Variants in EXT2 observed in about 807,000 individuals in gnomAD.
EXT2 encodes exostosin glycosyltransferase 2.
A neutral mutation model predicts 81.6 loss-of-function variants in EXT2; 53 were observed. The observed-to-expected ratio is 0.65, with a 90% CI of 0.52 to 0.82. EXT2 has a LOEUF of 0.82. EXT2 is among the 40% of genes least tolerant of loss of function. The probability of loss-of-function intolerance (pLI) is 0.00; values close to 1 mark genes in which losing one functional copy is unlikely to be tolerated. For missense variants in EXT2, 774 were observed against 910.2 expected, an observed-to-expected ratio of 0.85 and a Z score of 1.93; for synonymous variants, 320 against 340.0, an observed-to-expected ratio of 0.94 and a Z score of 0.65.
intron 8 of EXT2, among the ~76,000 whole-genome samples, chr11:44,190,466 C>G (rs958882687): frequency 6.6e-6 from 1 of 152,152 alleles, no homozygotes; most frequent in Non-Finnish European, 1.5e-5. Context: ...TCTTCTCTTC[C>G]TTTCTTCTCT....
At chr11:44,165,364 T>G (rs116555567) in intron 7 of EXT2, among the ~76,000 whole-genome samples, 1 of 152,220 alleles carries the variant, frequency 6.6e-6, no homozygotes, top group African/African-American at 2.4e-5. Flanking sequence ...CTATAAATTA[T>G]AATACCTTCT....
At chr11:44,173,233 G>A (rs1282536178) in intron 8 of EXT2, among the ~76,000 whole-genome samples, 1 of 152,178 alleles carries the variant, frequency 6.6e-6, no homozygotes, top group African/African-American at 2.4e-5. Context: ...GTCAGTATGT[G>A]CGTATGGTAA....
intron 13 of EXT2, among the ~76,000 whole-genome samples, chr11:44,238,237 T>C (rs1955993197): frequency 6.6e-6 from 1 of 152,206 alleles, no homozygotes; most frequent in Non-Finnish European, 1.5e-5. Context: ...CTCTGTTGTG[T>C]GGTGATACAA....
chr11:44,225,305 T>C (rs925108483), intron 10 of EXT2, among the ~76,000 whole-genome samples: 1 of 152,234 alleles, frequency 6.6e-6, no homozygotes, highest in African/African-American at 2.4e-5. Context: ...ATTACGAGGT[T>C]CCAGTAGGCC....
intron 6 of EXT2, among the ~76,000 whole-genome samples, chr11:44,129,242 C>A (rs1291536078): frequency 2.0e-5 from 3 of 152,200 alleles, no homozygotes; most frequent in Admixed American, 2.0e-4. Context: ...TAGAATGATC[C>A]TGTTGGAACA....
At chr11:44,157,716 C>A (rs1954874658) in intron 7 of EXT2, among the ~76,000 whole-genome samples, 1 of 152,126 alleles carries the variant, frequency 6.6e-6, no homozygotes, top group East Asian at 1.9e-4. Context: ...GGTACTCTAC[C>A]CTGCTATGGC....
At chr11:44,104,955 G>A (rs577912607) in intron 1 of EXT2, among the ~76,000 whole-genome samples, 7 of 152,310 alleles carry the variant, frequency 4.6e-5, no homozygotes, top group African/African-American at 1.2e-4. Flanking sequence ...AGCTCAAAAT[G>A]TATGAATTTT....
At chr11:44,136,175 G>T (rs943481302) in intron 7 of EXT2, among the ~76,000 whole-genome samples, 1 of 152,200 alleles carries the variant, frequency 6.6e-6, no homozygotes, top group Non-Finnish European at 1.5e-5. Flanking sequence ...TCCCTGTGCT[G>T]CTGGCCAGTC....
At chr11:44,167,078 AC>A (rs1955004836) in intron 7 of EXT2, among the ~76,000 whole-genome samples, 1 of 152,228 alleles carries the variant, frequency 6.6e-6, no homozygotes, top group Non-Finnish European at 1.5e-5. Context: ...ATCTTCTCTG[AC>A]GGTACTTGCC....
At chr11:44,200,060 G>T (rs1955504260) in intron 9 of EXT2, among the ~76,000 whole-genome samples, 1 of 151,334 alleles carries the variant, frequency 6.6e-6, no homozygotes, top group Non-Finnish European at 1.5e-5. Flanking sequence ...TGGGGTGTTT[G>T]TTCAGTTGGT....
At chr11:44,216,103 C>T (rs1339303963) in intron 10 of EXT2, among the ~76,000 whole-genome samples, 2 of 152,010 alleles carry the variant, frequency 1.3e-5, no homozygotes, top group African/African-American at 4.8e-5. Context: ...GTCTCGATCT[C>T]CTGACCTCAT....
At chr11:44,162,292 C>G (rs1181772710) in intron 7 of EXT2, among the ~76,000 whole-genome samples, 1 of 152,048 alleles carries the variant, frequency 6.6e-6, no homozygotes, top group Non-Finnish European at 1.5e-5. Flanking sequence ...AAAGCAATTA[C>G]CAGCTGGGCT....
Position 44,095,860 on chromosome 11 carries a change from C to A in EXT2, c.-31+8C>A, listed in dbSNP as rs529057271. The A allele has an allele frequency of 1.1e-5, 2 of 182,734 alleles. No individual in the cohort carries two copies. The highest frequency in any genetic ancestry group is 2.2e-5 in the Non-Finnish European group (2 of 89,618). The allele number at this position is 182,734 out of a possible 1,614,324, so 11.3% of individuals were successfully genotyped here. ...GAGGCAGCCGTGGCCGAGGTAAGCGCGGCTCTCCAGGGCGGCGGCCGGGCG... is the reference window on the plus strand; with the variant it reads ...GAGGCAGCCGTGGCCGAGGTAAGCGAGGCTCTCCAGGGCGGCGGCCGGGCG... On this transcript the variant is annotated splice_region_variant and intron_variant, in intron 1 of 13. Coordinates refer to ENST00000533608, the MANE Select transcript of EXT2 (RefSeq NM_207122.2).
intron 7 of EXT2, among the ~76,000 whole-genome samples, chr11:44,132,110 C>T (rs959559112): frequency 2.6e-5 from 4 of 152,218 alleles, no homozygotes; most frequent in Non-Finnish European, 5.9e-5. Flanking sequence ...AAAGCAGAGA[C>T]TATTTTATAC....
chr11:44,212,040 C>T (rs563967589), intron 10 of EXT2, among the ~76,000 whole-genome samples: 21 of 152,178 alleles, frequency 1.4e-4, no homozygotes, highest in African/African-American at 5.1e-4. Context: ...AATCCCAGCA[C>T]TTTGGGAGGC....
chr11:44,204,385 G>T (rs1234577258), intron 9 of EXT2, among the ~76,000 whole-genome samples: 1 of 152,188 alleles, frequency 6.6e-6, no homozygotes, highest in African/African-American at 2.4e-5. Context: ...ATGTGTTTGT[G>T]TGTGTGTGTG....
rs1441611961 is a variant in EXT2, at chr11:44,214,393, C to T, written c.1662+7434C>T. ...CCTCCCAAAGTGCTGGGACTACAAG[C>T]GTGAGCCACCATGCCCGGCCGTAAC... On this transcript the variant is annotated intron_variant, in intron 10 of 13. Transcript: ENST00000533608. Among the ~76,000 whole-genome samples, 6 of 152,242 alleles carry T rather than the reference C, an allele frequency of 3.9e-5. No homozygotes were observed. The East Asian group carries it at 7.7e-4, about 20-fold the overall frequency.
chr11:44,173,858 C>T (rs755498829), intron 8 of EXT2, among the ~76,000 whole-genome samples: 3 of 152,056 alleles, frequency 2.0e-5, no homozygotes, highest in South Asian at 2.1e-4. Flanking sequence ...TGAGCCACCG[C>T]GCCCGGCCTT....
intron 10 of EXT2, among the ~76,000 whole-genome samples, chr11:44,214,125 T>TTCG (rs1955685684): frequency 6.6e-6 from 1 of 150,938 alleles, no homozygotes; most frequent in South Asian, 2.2e-4. Flanking sequence ...CTTCTTCTTC[T>TTCG]TTTTTTTTGA....
Sources: gnomAD v4.1 joint callset for allele counts (sites outside exome capture counted in the v4.1 genomes callset) on GRCh38, gnomAD v4.1.1 for gene constraint, MANE v1.5 for transcripts, NCBI Gene and HGNC (gene_info 2026-07-23, HGNC 2026-07-21) for gene names.